Variants in ACTR3C observed in about 807,000 individuals in gnomAD.
ACTR3C encodes the protein actin related protein 3C, also known as actin-related protein 3C.
A neutral mutation model predicts 26.3 loss-of-function variants in ACTR3C; 18 were observed. The ratio of observed to expected loss-of-function variants is 0.68; its 90% CI spans 0.47 to 1.01. The LOEUF (loss-of-function observed/expected upper bound fraction) is 1.01, where lower values mean the gene tolerates loss of function less well. Among genes scored for constraint, ACTR3C ranks in the 50% least tolerant of loss-of-function variants. ACTR3C has a pLI of 0.00. For missense variants in ACTR3C, 184 were observed against 250.7 expected, an observed-to-expected ratio of 0.73 and a Z score of 1.80; for synonymous variants, 55 against 94.5, an observed-to-expected ratio of 0.58 and a Z score of 2.42.
At chr7:149,966,855 T>C in the ACTR3C span, among the ~76,000 whole-genome samples, 1 of 147,688 alleles carries the variant, frequency 6.8e-6, no homozygotes, top group Non-Finnish European at 1.5e-5. Context: ...TTCTTTTTTC[T>C]TTCCTTTTTT....
At chr7:149,948,183 C>A in the ACTR3C span, among the ~76,000 whole-genome samples, 4 of 127,502 alleles carry the variant, frequency 3.1e-5, no homozygotes, top group African/African-American at 4.3e-5. Flanking sequence ...AAAAATAGCA[C>A]GTGTCTTTTA....
At chr7:149,897,253 G>T in the ACTR3C span, among the ~76,000 whole-genome samples, 1 of 151,850 alleles carries the variant, frequency 6.6e-6, no homozygotes, top group African/African-American at 2.4e-5. Context: ...GCTTCTACTG[G>T]GTATATTGGT....
At chr7:150,109,732 A>G in the ACTR3C span, among the ~76,000 whole-genome samples, 1 of 150,170 alleles carries the variant, frequency 6.7e-6, no homozygotes, top group Non-Finnish European at 1.5e-5. Context: ...TTTTGTGGGG[A>G]TCCAGAAACA....
chr7:150,151,177 T>C, the ACTR3C span, among the ~76,000 whole-genome samples: 2 of 131,260 alleles, frequency 1.5e-5, no homozygotes, highest in Admixed American at 1.6e-4. Flanking sequence ...ATCTTTTTTC[T>C]ATTTTTCTTA....
the ACTR3C span, among the ~76,000 whole-genome samples, chr7:149,918,099 A>G: frequency 6.6e-6 from 1 of 152,118 alleles, no homozygotes; most frequent in African/African-American, 2.4e-5. Flanking sequence ...ATAAAGTTCA[A>G]ACTTAAATAT....
At chr7:150,293,764 C>T (rs1836490784) in intron 2 of ACTR3C, among the ~76,000 whole-genome samples, 1 of 152,086 alleles carries the variant, frequency 6.6e-6, no homozygotes, top group African/African-American at 2.4e-5. Context: ...GGTGAAACCC[C>T]ATCTCTACAA....
chr7:149,934,682 C>T, the ACTR3C span, among the ~76,000 whole-genome samples: 1 of 149,576 alleles, frequency 6.7e-6, no homozygotes, highest in African/African-American at 2.5e-5. Flanking sequence ...CCTCCCTCCA[C>T]TCAGATGAGG....
the ACTR3C span, among the ~76,000 whole-genome samples, chr7:150,116,630 G>A: frequency 6.6e-6 from 1 of 152,158 alleles, no homozygotes; most frequent in Non-Finnish European, 1.5e-5. Context: ...GAGATAAATT[G>A]TTTCTAATCC....
At chr7:150,250,984 C>A (rs10488346) in intron 6 of ACTR3C, among the ~76,000 whole-genome samples, 14,184 of 152,138 alleles carry the variant, frequency 0.093, 2,239 homozygotes, top group African/African-American at 0.32. Context: ...TGGAACCATA[C>A]AAATGTAAAT....
chr7:150,093,441 C>G, the ACTR3C span, among the ~76,000 whole-genome samples: 1 of 151,108 alleles, frequency 6.6e-6, no homozygotes, highest in Non-Finnish European at 1.5e-5. Flanking sequence ...ATAAGAAGCC[C>G]AAAGATACAT....
chr7:150,280,099 T>C (rs1835197668), intron 6 of ACTR3C, among the ~76,000 whole-genome samples: 1 of 152,202 alleles, frequency 6.6e-6, no homozygotes, highest in African/African-American at 2.4e-5. Context: ...GGGCTGGCGC[T>C]GATGGCGGTT....
the ACTR3C span, among the ~76,000 whole-genome samples, chr7:150,087,397 T>C: frequency 2.0e-5 from 3 of 152,160 alleles, no homozygotes; most frequent in Non-Finnish European, 4.4e-5. Context: ...GTAACCAGGC[T>C]TCCTCTCTCA....
the ACTR3C span, among the ~76,000 whole-genome samples, chr7:149,912,476 C>T: frequency 0.075 from 10,757 of 143,990 alleles, 406 homozygotes; most frequent in African/African-American, 0.11. Context: ...TTTTCGTGAC[C>T]GAGGCAAACT....
chr7:150,273,649 T>C (rs1183067650), intron 6 of ACTR3C, among the ~76,000 whole-genome samples: 3 of 150,762 alleles, frequency 2.0e-5, no homozygotes, highest in Non-Finnish European at 4.4e-5. Context: ...TGAGCCTATC[T>C]TTTGAAATCC....
the ACTR3C span, among the ~76,000 whole-genome samples, chr7:149,907,946 G>A: frequency 6.6e-6 from 1 of 151,962 alleles, no homozygotes; most frequent in Non-Finnish European, 1.5e-5. Context: ...GTCATGGACT[G>A]AACCATGTCC....
At chr7:149,985,207 AACACACACACACACACACAC>A in the ACTR3C span, among the ~76,000 whole-genome samples, 2 of 130,852 alleles carry the variant, frequency 1.5e-5, no homozygotes, top group Admixed American at 7.7e-5. Flanking sequence ...CAAACAAAGC[AACACACACACACACACACAC>A]ACACACACAC....
At chr7:150,035,997 G>A in the ACTR3C span, among the ~76,000 whole-genome samples, 30 of 134,256 alleles carry the variant, frequency 2.2e-4, 2 homozygotes, top group Admixed American at 6.3e-4. Context: ...CCTCGCGGGG[G>A]GTGCCTCCGC....
At chr7:150,041,848 A>C in the ACTR3C span, among the ~76,000 whole-genome samples, 8 of 126,606 alleles carry the variant, frequency 6.3e-5, no homozygotes, top group Non-Finnish European at 1.1e-4. Context: ...AAGAGGGGAT[A>C]GCTCTCAGTC....
chr7:150,079,007 T>G, the ACTR3C span, among the ~76,000 whole-genome samples: 1 of 152,232 alleles, frequency 6.6e-6, no homozygotes, highest in East Asian at 1.9e-4. Context: ...AGGGAAATGG[T>G]GGTCCTTTAC....
Sources: gnomAD v4.1 joint callset for allele counts (sites outside exome capture counted in the v4.1 genomes callset) on GRCh38, gnomAD v4.1.1 for gene constraint, MANE v1.5 for transcripts, NCBI Gene and HGNC (gene_info 2026-07-23, HGNC 2026-07-21) for gene names.